EBF1: variants seen among roughly 807,000 people sequenced by gnomAD.
The protein encoded by EBF1 is transcription factor COE1.
Under a neutral mutation model 68.4 loss-of-function variants are expected in EBF1, and 10 were observed. The observed-to-expected ratio is 0.15, with a 90% CI of 0.09 to 0.25. EBF1 has a LOEUF of 0.25. Among genes scored for constraint, EBF1 ranks in the 10% least tolerant of loss-of-function variants. The pLI is 1.00. For missense variants in EBF1, 509 were observed against 794.4 expected, an observed-to-expected ratio of 0.64 and a Z score of 4.32; for synonymous variants, 298 against 299.8, an observed-to-expected ratio of 0.99 and a Z score of 0.06.
intron 14 of EBF1, among the ~76,000 whole-genome samples, chr5:158,710,518 G>A (rs2127482456): frequency 6.6e-6 from 1 of 152,298 alleles, no homozygotes; most frequent in East Asian, 1.9e-4. Flanking sequence ...AAAATCTAAT[G>A]TGAAACTGAT....
intron 5 of EBF1, among the ~76,000 whole-genome samples, chr5:159,080,966 T>A (rs1251076806): frequency 6.6e-6 from 1 of 152,168 alleles, no homozygotes. Context: ...CAGTTACCTG[T>A]GGTCCAGTAC....
chr5:158,721,729 G>C (rs930609900), intron 11 of EBF1, among the ~76,000 whole-genome samples: 1 of 152,140 alleles, frequency 6.6e-6, no homozygotes, highest in African/African-American at 2.4e-5. Context: ...GGATAACTAA[G>C]CTTGGGCTCC....
chr5:158,991,259 T>G (rs1311780473), intron 6 of EBF1, among the ~76,000 whole-genome samples: 1 of 152,244 alleles, frequency 6.6e-6, no homozygotes, highest in Non-Finnish European at 1.5e-5. Flanking sequence ...TCATTCATTG[T>G]TATTTTTATT....
chr5:158,730,369 G>A (rs1478312060), intron 11 of EBF1, among the ~76,000 whole-genome samples: 1 of 152,174 alleles, frequency 6.6e-6, no homozygotes, highest in Non-Finnish European at 1.5e-5. Flanking sequence ...CAGGTACAGG[G>A]ATGGGGATAT....
intron 4 of EBF1, among the ~76,000 whole-genome samples, chr5:159,093,821 C>A (rs1042330451): frequency 3.3e-5 from 5 of 151,968 alleles, no homozygotes; most frequent in African/African-American, 9.7e-5. Flanking sequence ...GTGCTTCTTA[C>A]AATTGTTCAT....
At chr5:158,783,787 G>A (rs942677243) in intron 9 of EBF1, among the ~76,000 whole-genome samples, 3 of 152,210 alleles carry the variant, frequency 2.0e-5, no homozygotes, top group Admixed American at 6.5e-5. Flanking sequence ...CTCCTTGACA[G>A]AAGAGCTGAA....
At chr5:159,004,731 A>T (rs1763227953) in intron 6 of EBF1, among the ~76,000 whole-genome samples, 1 of 152,160 alleles carries the variant, frequency 6.6e-6, no homozygotes, top group Non-Finnish European at 1.5e-5. Context: ...TGAATGTCAC[A>T]TTATCTCAAT....
At chr5:159,033,401 A>G (rs897310474) in intron 6 of EBF1, among the ~76,000 whole-genome samples, 2 of 152,200 alleles carry the variant, frequency 1.3e-5, no homozygotes, top group Non-Finnish European at 2.9e-5. Flanking sequence ...AAGAGAGGGG[A>G]AAAAAAGCTT....
At chr5:158,702,134 TC>T (rs1411905928) in intron 15 of EBF1, among the ~76,000 whole-genome samples, 2 of 152,192 alleles carry the variant, frequency 1.3e-5, no homozygotes, top group Non-Finnish European at 2.9e-5. Context: ...TGGGAAAAGA[TC>T]CCTGCCTGTG....
At chr5:158,731,470 T>A (rs939852035) in intron 10 of EBF1, among the ~76,000 whole-genome samples, 1 of 152,240 alleles carries the variant, frequency 6.6e-6, no homozygotes, top group African/African-American at 2.4e-5. Flanking sequence ...GTTTTTAGTA[T>A]CCACTTTAAT....
At chr5:158,725,478 T>C (rs906386898) in intron 11 of EBF1, among the ~76,000 whole-genome samples, 1 of 152,262 alleles carries the variant, frequency 6.6e-6, no homozygotes, top group Admixed American at 6.5e-5. Flanking sequence ...TGAGGGCAGT[T>C]ATAGGCAAGC....
At chr5:158,802,034 G>A (rs1780691411) in intron 8 of EBF1, among the ~76,000 whole-genome samples, 1 of 152,070 alleles carries the variant, frequency 6.6e-6, no homozygotes, top group Admixed American at 6.6e-5. Flanking sequence ...TTTACCTCGG[G>A]TTTTATGGGT....
chr5:158,814,507 C>T (rs117588554), intron 8 of EBF1, among the ~76,000 whole-genome samples: 1 of 152,180 alleles, frequency 6.6e-6, no homozygotes. Flanking sequence ...TTAGCTCAAC[C>T]AACCAAATAC....
intron 6 of EBF1, among the ~76,000 whole-genome samples, chr5:159,035,172 G>A (rs1327280643): frequency 6.6e-6 from 1 of 152,080 alleles, no homozygotes; most frequent in African/African-American, 2.4e-5. Flanking sequence ...GCTGAGTTTA[G>A]ACCACCATTT....
chr5:158,987,674 T>A (rs1759367512), intron 6 of EBF1, among the ~76,000 whole-genome samples: 2 of 152,082 alleles, frequency 1.3e-5, no homozygotes. Context: ...AGTAGAAGCA[T>A]TACATGTGTC....
intron 6 of EBF1, among the ~76,000 whole-genome samples, chr5:159,032,310 A>T (rs748208079): frequency 4.6e-5 from 7 of 152,222 alleles, no homozygotes; most frequent in Non-Finnish European, 7.4e-5. Context: ...TAATTTTTCC[A>T]GGTACAAGTG....
chr5:158,948,097 C>T (rs1221744636), intron 6 of EBF1, among the ~76,000 whole-genome samples: 1 of 152,220 alleles, frequency 6.6e-6, no homozygotes, highest in Non-Finnish European at 1.5e-5. Context: ...CAGACTGTCA[C>T]AGGAACAGAG....
intron 6 of EBF1, among the ~76,000 whole-genome samples, chr5:159,053,723 A>C (rs1484718984): frequency 6.6e-6 from 1 of 152,198 alleles, no homozygotes; most frequent in Admixed American, 6.5e-5. Context: ...ACACAAAATG[A>C]GTATATGTAC....
At chr5:158,937,911 C>A (rs550623789) in intron 6 of EBF1, among the ~76,000 whole-genome samples, 1 of 152,284 alleles carries the variant, frequency 6.6e-6, no homozygotes, top group South Asian at 2.1e-4. Context: ...TCTCAATAAA[C>A]CACTCAAGAA....
Sources: gnomAD v4.1 joint callset for allele counts (sites outside exome capture counted in the v4.1 genomes callset) on GRCh38, gnomAD v4.1.1 for gene constraint, MANE v1.5 for transcripts, NCBI Gene and HGNC (gene_info 2026-07-23, HGNC 2026-07-21) for gene names.